The following LGALS3 variants were observed in gnomAD, a reference collection of about 807,000 sequenced individuals.
LGALS3 encodes the protein galectin-3.
A neutral mutation model predicts 20.7 loss-of-function variants in LGALS3; 18 were observed. The observed-to-expected ratio is 0.87, with a 90% CI of 0.60 to 1.29. The LOEUF is 1.29. LGALS3 is among the 50% of genes most tolerant of loss of function. LGALS3 has a pLI of 0.00. For synonymous variants in LGALS3, 112 were observed against 119.6 expected (o/e 0.94, Z 0.42); for missense variants, 315 against 314.7 (o/e 1.00, Z -0.01).
Position 55,129,385 on chromosome 14 carries a change from A to T in LGALS3, c.-5+85A>T, listed in dbSNP as rs1881159748. On this transcript the variant is annotated intron_variant, in intron 1 of 5. Transcript: ENST00000254301. This position sits in a 1 kb window ranked among gnomAD's most constrained non-coding sequence, Gnocchi z 5.3. Reference sequence around the variant, plus strand: ...GCGCTGCTTGGGGCGCGGTCCGGAGAGGGTTCGGCTCCCCGGGACCGGGCC... The same window carrying T: ...GCGCTGCTTGGGGCGCGGTCCGGAGTGGGTTCGGCTCCCCGGGACCGGGCC... The T allele has an allele frequency of 6.6e-6, 1 of 151,658 alleles. No individual in the cohort carries two copies. The highest frequency in any genetic ancestry group is 2.4e-5 in the African/African-American group (1 of 41,198). 9.4% of individuals were successfully genotyped at this position (151,658 alleles called of 1,614,324 possible).
At chr14:55,136,343 C>G (rs1009978) in intron 1 of LGALS3, among the ~76,000 whole-genome samples, 82,561 of 151,720 alleles carry the variant, frequency 0.54, 25,368 homozygotes, top group African/African-American at 0.85. Flanking sequence ...AACTTCAGCT[C>G]CCCTTTGAGG....
At position 55,129,692 on chromosome 14, in the gene LGALS3, C is replaced by T. The variant is rs909818629; in HGVS notation, c.-5+392C>T. On this transcript the variant is annotated intron_variant, in intron 1 of 5. Transcript: ENST00000254301. The surrounding 1 kb of genome is among the most constrained non-coding windows in gnomAD (Gnocchi z 5.3). ...GAGCCGCAGTCTGGTCACCCCAGTC[C>T]CACCAGGTCCCGCTGCGAGGGGAGG... Among the ~76,000 whole-genome samples the T allele has an allele frequency of 5.8e-4, 89 of 152,310 alleles. No individual in the cohort carries two copies. The highest frequency in any genetic ancestry group is 1.9e-3 in the African/African-American group (78 of 41,574).
chr14:55,143,289 C>T (rs1051569352), intron 5 of LGALS3, among the ~76,000 whole-genome samples: 1 of 152,150 alleles, frequency 6.6e-6, no homozygotes, highest in Non-Finnish European at 1.5e-5. Flanking sequence ...AAATTAGATC[C>T]ACAGCATTTA....
intron 3 of LGALS3, among the ~76,000 whole-genome samples, chr14:55,138,724 A>G (rs966528849): frequency 7.9e-5 from 12 of 152,216 alleles, no homozygotes; most frequent in African/African-American, 2.2e-4. Context: ...TAATAACCCC[A>G]TTTCACACAT....
chr14:55,137,317 A>G, intron 1 of LGALS3, 53 bp from the exon 2 acceptor site: 1 of 1,542,138 alleles, frequency 6.5e-7, no homozygotes, highest in Non-Finnish European at 9.0e-7. Context: ...GTTCAGTTTA[A>G]TGGAAATTGG....
rs373646256 is a variant in LGALS3, at chr14:55,129,654, C to T, written c.-5+354C>T. Among the ~76,000 whole-genome samples the T allele has an allele frequency of 1.2e-4, 19 of 152,332 alleles. No individual in the cohort carries two copies. The highest frequency in any genetic ancestry group is 4.6e-4 in the African/African-American group (19 of 41,580). On this transcript the variant is annotated intron_variant, in intron 1 of 5. Coordinates refer to ENST00000254301, the MANE Select transcript of LGALS3 (RefSeq NM_002306.4). The surrounding 1 kb of genome is among the most constrained non-coding windows in gnomAD (Gnocchi z 5.3). ...TGCGCTCTGCGGCCCCAGAGTAAGCCCCATCCGGTGACGAGCCGCAGTCTG... is the reference window on the plus strand; with the variant it reads ...TGCGCTCTGCGGCCCCAGAGTAAGCTCCATCCGGTGACGAGCCGCAGTCTG...
intron 1 of LGALS3, among the ~76,000 whole-genome samples, chr14:55,134,042 G>T (rs545360417): frequency 6.6e-6 from 1 of 152,240 alleles, no homozygotes; most frequent in African/African-American, 2.4e-5. Context: ...TTGCTCCCAG[G>T]GGATATTGGC....
At position 55,145,243 on chromosome 14, in the gene LGALS3, T is replaced by C. The variant is rs759678325; in HGVS notation, c.725T>C (p.Leu242Pro). ...SKLGISGDID[L>P]TSASYTMI is the part of the protein sequence containing the mutation. ...CTGGGAATTTCTGGTGACATAGACC[T>C]CACCAGTGCTTCATATACCATGATA... The change falls in exon 6 of 6, where the codon CTC (leucine) becomes CCC (proline). Residue 242 changes from leucine (L) to proline (P), a missense_variant. Coordinates refer to ENST00000254301, the MANE Select transcript of LGALS3 (RefSeq NM_002306.4). 1 of 1,613,172 alleles carries C rather than the reference T, an allele frequency of 6.2e-7. No individual in the cohort carries two copies. The highest frequency in any genetic ancestry group is 8.5e-7 in the Non-Finnish European group (1 of 1,179,796).
chr14:55,145,299 AAAG>A lies in LGALS3; in HGVS notation c.*31_*33del, dbSNP rs1200939379. 5.6e-6 allele frequency: 9 copies of A among 1,609,430 alleles called. No homozygotes were observed. The highest frequency in any genetic ancestry group is 7.6e-6 in the Non-Finnish European group (9 of 1,178,642). ...TGAAAGGGGCAGATTAAAAAAAAAA[AAAG>A]AATCTAAACCTTACATGTGTAAAGG... is the stretch of plus-strand genomic sequence containing the variant. On this transcript the variant is annotated 3_prime_UTR_variant, in exon 6 of 6. Transcript: ENST00000254301.
At chr14:55,138,647 C>T (rs1474930550) in intron 3 of LGALS3, among the ~76,000 whole-genome samples, 2 of 152,136 alleles carry the variant, frequency 1.3e-5, no homozygotes, top group East Asian at 1.9e-4. Context: ...TTACGGAGTA[C>T]ATGTCAATAG....
Position 55,135,560 on chromosome 14 carries a change from G to GTTTTT in LGALS3, c.-4-1790_-4-1786dup, listed in dbSNP as rs762172869. ...ACCAAAAATAAGGTAATATTTTATGGTTTTTTTTTTTTTTTTTTTTTTTTG... is the reference window on the plus strand; with the variant it reads ...ACCAAAAATAAGGTAATATTTTATGGTTTTTTTTTTTTTTTTTTTTTTTTTTTTTG... On this transcript the variant is annotated intron_variant, in intron 1 of 5. Coordinates refer to ENST00000254301, the MANE Select transcript of LGALS3 (RefSeq NM_002306.4). Among the ~76,000 whole-genome samples, 80 of 106,558 alleles carry GTTTTT rather than the reference G, an allele frequency of 7.5e-4. 2 individuals are homozygous for GTTTTT. Among genetic ancestry groups the GTTTTT allele is most frequent in the African/African-American group, 2.4e-3 (57 of 23,664 alleles). 69.9% of individuals were successfully genotyped at this position (106,558 alleles called of 152,430 possible). A position where few individuals can be genotyped will look rare whatever the true frequency, so the allele number is the denominator to read the frequency against.
intron 3 of LGALS3, among the ~76,000 whole-genome samples, chr14:55,140,044 A>T (rs1881562038): frequency 6.6e-6 from 1 of 151,654 alleles, no homozygotes; most frequent in Non-Finnish European, 1.5e-5. Context: ...ACAAATTGGG[A>T]TGGCCGTAGT....
chr14:55,137,350 A>T lies in LGALS3; in HGVS notation c.-4-20A>T, dbSNP rs747284331. On this transcript the variant is annotated intron_variant, in intron 1 of 5. Transcript: ENST00000254301. The stretch of plus-strand genomic sequence containing the variant: ...TGGTGAAAGCTTTTAGGATAAAATG[A>T]TAATCTTTGTTTCTTTCAGGAAAAT... 6.2e-7 allele frequency: 1 copy of T among 1,611,174 alleles called. No homozygotes were observed. The highest frequency in any genetic ancestry group is 8.5e-7 in the Non-Finnish European group (1 of 1,177,374).
intron 1 of LGALS3, among the ~76,000 whole-genome samples, chr14:55,133,979 G>A (rs1295124908): frequency 6.6e-6 from 1 of 152,228 alleles, no homozygotes; most frequent in African/African-American, 2.4e-5. Flanking sequence ...GTACATTCAT[G>A]TAGGGATACA....
intron 5 of LGALS3, 96 bp downstream of exon 5, chr14:55,142,845 C>G: frequency 1.0e-6 from 1 of 984,970 alleles, no homozygotes. Context: ...TTTTTATCAC[C>G]TCTCCTAAGG....
chr14:55,139,816 A>C (rs1566782567), intron 3 of LGALS3, among the ~76,000 whole-genome samples: 1 of 152,238 alleles, frequency 6.6e-6, no homozygotes, highest in Non-Finnish European at 1.5e-5. Context: ...ATAAATATTG[A>C]GTATCTGCCA....
chr14:55,143,407 A>T (rs906749507), intron 5 of LGALS3: 1 of 372,926 alleles, frequency 2.7e-6, no homozygotes, highest in Non-Finnish European at 5.2e-6. Context: ...TCGTATCAGA[A>T]TATTGTTACT....
chr14:55,145,190 G>A lies in LGALS3; in HGVS notation c.672G>A (p.Arg224=). ...NDAHLLQYNH[R]VKKLNEISKL... is the part of the protein sequence containing the mutation. The stretch of plus-strand genomic sequence containing the variant: ...CTCACTTGTTGCAGTACAATCATCG[G>A]GTTAAAAAACTCAATGAAATCAGCA... Residue 224 remains arginine, a synonymous_variant, in exon 6 of 6, where the codon CGG becomes CGA. Transcript: ENST00000254301. The A allele has an allele frequency of 6.2e-7, 1 of 1,613,472 alleles. No individual in the cohort carries two copies. Among genetic ancestry groups the A allele is most frequent in the African/African-American group, 1.3e-5 (1 of 74,926 alleles).
intron 1 of LGALS3, among the ~76,000 whole-genome samples, chr14:55,132,172 G>A (rs1188352164): frequency 6.6e-6 from 1 of 152,226 alleles, no homozygotes; most frequent in Non-Finnish European, 1.5e-5. Context: ...ATTAACAGCC[G>A]ATTAAAATGG....
Sources: allele counts gnomAD v4.1 joint callset (sites outside exome capture counted in the v4.1 genomes callset), GRCh38; gene constraint gnomAD v4.1.1; non-coding constraint Gnocchi (gnomAD v3.1); transcripts MANE v1.5; gene names NCBI Gene and HGNC (gene_info 2026-07-23, HGNC 2026-07-21).